Variants in COL11A2 observed in about 807,000 individuals in gnomAD.
The protein encoded by COL11A2 is collagen type XI alpha 2 chain, also known as collagen alpha-2(XI) chain.
Under a neutral mutation model 273.4 loss-of-function variants are expected in COL11A2, and 116 were observed. That is an observed-to-expected ratio of 0.42 (90% CI 0.36 to 0.49). The LOEUF is 0.49. Among genes scored for constraint, COL11A2 ranks in the 20% least tolerant of loss-of-function variants. The pLI, the probability that COL11A2 is intolerant of heterozygous loss-of-function variation, is 0.00. For synonymous variants in COL11A2, 782 were observed against 864.2 expected, an observed-to-expected ratio of 0.90 and a Z score of 1.67; for missense variants, 1,866 against 2,309.0, an observed-to-expected ratio of 0.81 and a Z score of 3.93.
rs768306633 is a variant in COL11A2, at chr6:33,168,504, G to GA, written c.3960+14_3960+15insT. ...GGGACTGCCTCCCAAGGTCTCAGGG[G>GA]TCCACCTCACTTACTCGCTTTCCAA... On this transcript the variant is annotated intron_variant, in intron 54 of 65. Coordinates refer to ENST00000341947, the MANE Select transcript of COL11A2 (RefSeq NM_080680.3). The GA allele has an allele frequency of 5.0e-6, 8 of 1,613,290 alleles. No homozygotes were observed. Among genetic ancestry groups the GA allele is most frequent in the Non-Finnish European group, 6.8e-6 (8 of 1,179,816 alleles).
intron 12 of COL11A2, 62 bp downstream of exon 12, chr6:33,180,196 T>A: frequency 6.7e-7 from 1 of 1,503,062 alleles, no homozygotes; most frequent in Non-Finnish European, 9.3e-7. Context: ...TGGTTCTTGG[T>A]AACATGACAC....
Position 33,163,672 on chromosome 6 carries a change from A to T in COL11A2, c.*6T>A. ...TCCGAATGGACAGGATCAGACAGAG[A>T]CGGTCCTATCCCATGAAGCAGACAG... On this transcript the variant is annotated 3_prime_UTR_variant, in exon 66 of 66. Transcript: ENST00000341947. The surrounding 1 kb of genome is among the most constrained non-coding windows in gnomAD (Gnocchi z 4.1). The T allele has an allele frequency of 6.2e-7, 1 of 1,612,918 alleles. No homozygotes were observed. Among genetic ancestry groups the T allele is most frequent in the Non-Finnish European group, 8.5e-7 (1 of 1,179,988 alleles).
intron 8 of COL11A2, 128 bp from the exon 9 acceptor site, chr6:33,181,298 C>T (rs535202795): frequency 1.1e-6 from 1 of 941,100 alleles, no homozygotes; most frequent in South Asian, 1.3e-5. Flanking sequence ...ACCCGAAAGC[C>T]CCACAGCCCT....
At position 33,189,000 on chromosome 6, in the gene COL11A2, C is replaced by T. The variant is rs1382765947; in HGVS notation, c.421G>A (p.Gly141Ser). ...TACTTGCCATCTGCTAGGCTGAGGC[C>T]TCGGAAGACTGGCTGAGAGGGAGGT... ...PQPPSQPVFR[G>S]LSLADGKWHR... The change falls in exon 3 of 66, where the codon GGC becomes AGC. Residue 141 changes from glycine (G) to serine (S), a missense_variant. Physicochemically the swap from Gly to Ser is moderately conservative, Grantham distance 56. Coordinates refer to ENST00000341947, the MANE Select transcript of COL11A2 (RefSeq NM_080680.3). The T allele has an allele frequency of 6.2e-7, 1 of 1,614,166 alleles. No homozygotes were observed. The highest frequency in any genetic ancestry group is 8.5e-7 in the Non-Finnish European group (1 of 1,180,028).
rs551948965 is a variant in COL11A2 at position 33,177,286 on chromosome 6, G to C, written c.1972-61C>G. On this transcript the variant is annotated intron_variant, in intron 23 of 65. Transcript: ENST00000341947. The surrounding 1 kb of genome is among the most constrained non-coding windows in gnomAD (Gnocchi z 5.9). ...CAGGGTCTCTTCTATCCAGCCTCCC[G>C]GATTCAAAGCATGAGCAACAAGGGC... The C allele has an allele frequency of 3.9e-5, 63 of 1,608,332 alleles. No individual in the cohort carries two copies. In the African/African-American group the frequency reaches 8.0e-4, roughly 20 times the overall value.
At chr6:33,171,871 T>C (rs773039254) in intron 41 of COL11A2, 51 bp from the exon 42 acceptor site, 49 of 1,596,418 alleles carry the variant, frequency 3.1e-5, no homozygotes, top group Non-Finnish European at 3.8e-5. Context: ...AGCCCGCCCA[T>C]ACCAGAGAAC....
At position 33,166,871 on chromosome 6, in the gene COL11A2, A is replaced by G; in HGVS notation, c.4231-44T>C. Reference sequence around the variant, plus strand: ...AGTCAAGAGAATGCAAAGAGGAGTCATGTGGATGGGGGAGAAGGGCCAAGA... The same window carrying G: ...AGTCAAGAGAATGCAAAGAGGAGTCGTGTGGATGGGGGAGAAGGGCCAAGA... On this transcript the variant is annotated intron_variant, in intron 58 of 65. Transcript: ENST00000341947. The surrounding 1 kb of genome is among the most constrained non-coding windows in gnomAD (Gnocchi z 4.8). The G allele has an allele frequency of 6.3e-7, 1 of 1,598,154 alleles. No individual in the cohort carries two copies. Among genetic ancestry groups the G allele is most frequent in the East Asian group, 2.2e-5 (1 of 44,510 alleles).
intron 1 of COL11A2, among the ~76,000 whole-genome samples, chr6:33,191,954 C>A (rs549214721): frequency 6.6e-6 from 1 of 152,332 alleles, no homozygotes; most frequent in African/African-American, 2.4e-5. Flanking sequence ...CCTATCTGCC[C>A]TCCCCCAGTC....
upstream of COL11A2, among the ~76,000 whole-genome samples, chr6:33,193,341 C>T (rs1382074224): frequency 6.6e-6 from 1 of 151,820 alleles, no homozygotes; most frequent in Non-Finnish European, 1.5e-5. Flanking sequence ...GGAGAGGGCA[C>T]GAGCGAACAA....
In COL11A2 at chr6:33,170,722, G is replaced by T; in HGVS notation, c.3474+88C>A. ...TCAGACTCCGCAGGCCCTCCAGTCT[G>T]CATCGGCAGGCTGCTGGCAGAGTCT... On this transcript the variant is annotated intron_variant, in intron 46 of 65. Transcript: ENST00000341947. This position sits in a 1 kb window ranked among gnomAD's most constrained non-coding sequence, Gnocchi z 4.3. The T allele has an allele frequency of 6.3e-7, 1 of 1,575,914 alleles. No individual in the cohort carries two copies. The highest frequency in any genetic ancestry group is 1.1e-5 in the South Asian group (1 of 90,230).
At chr6:33,172,949 C>G in intron 38 of COL11A2, 111 bp downstream of exon 38, 1 of 1,202,350 alleles carries the variant, frequency 8.3e-7, no homozygotes. Flanking sequence ...TGACCCCAGC[C>G]CCAGGAGTCT....
In COL11A2 at chr6:33,163,497, C is replaced by T. The variant is rs1232085415; in HGVS notation, c.*181G>A. On this transcript the variant is annotated 3_prime_UTR_variant, in exon 66 of 66. Coordinates refer to ENST00000341947, the MANE Select transcript of COL11A2 (RefSeq NM_080680.3). The surrounding 1 kb of genome is among the most constrained non-coding windows in gnomAD (Gnocchi z 4.1). ...CAAGAGCCCCAGATGCCACTCCTCC[C>T]GTGGGGTGTCCAGGCAACCACTTCA... 4 of 818,128 alleles carry T rather than the reference C, an allele frequency of 4.9e-6. No homozygotes were observed. Among genetic ancestry groups the T allele is most frequent in the East Asian group, 2.6e-5 (1 of 37,774 alleles). 50.7% of individuals were successfully genotyped at this position (818,128 alleles called of 1,614,324 possible). A position where few individuals can be genotyped will look rare whatever the true frequency, so the allele number is the denominator to read the frequency against.
chr6:33,163,572 G>T lies in COL11A2; in HGVS notation c.*106C>A. 6.3e-7 allele frequency: 1 copy of T among 1,574,966 alleles called. No homozygotes were observed. Among genetic ancestry groups the T allele is most frequent in the South Asian group, 1.1e-5 (1 of 90,276 alleles). ...GAGGGCTCTCCACGCCCTGGCCCAG[G>T]GCTCCCTAGATAGTGAGGAGCCCTC... On this transcript the variant is annotated 3_prime_UTR_variant, in exon 66 of 66. Coordinates refer to ENST00000341947, the MANE Select transcript of COL11A2 (RefSeq NM_080680.3). This position sits in a 1 kb window ranked among gnomAD's most constrained non-coding sequence, Gnocchi z 4.1.
intron 54 of COL11A2, 129 bp downstream of exon 54, chr6:33,168,390 G>A: frequency 8.8e-6 from 9 of 1,025,684 alleles, no homozygotes; most frequent in Non-Finnish European, 9.1e-6. Context: ...ACCAGCTCCT[G>A]CACACACACA....
In COL11A2 at chr6:33,173,797, C is replaced by T. The variant is rs1770494562; in HGVS notation, c.2584-52G>A. 2.5e-6 allele frequency: 4 copies of T among 1,608,896 alleles called. No individual in the cohort carries two copies. Among genetic ancestry groups the T allele is most frequent in the Non-Finnish European group, 3.4e-6 (4 of 1,175,938 alleles). The stretch of plus-strand genomic sequence containing the variant: ...TGGGAAGAGCTGCTTTCCAGCTGTC[C>T]CCGAGGTCAGGATGTTGAGGGAGAG... On this transcript the variant is annotated intron_variant, in intron 34 of 65. Transcript: ENST00000341947. The surrounding 1 kb of genome is among the most constrained non-coding windows in gnomAD (Gnocchi z 6.3).
chr6:33,168,615 G>T (rs1306774116), intron 53 of COL11A2, 43 bp from the exon 54 acceptor site: 1 of 1,610,252 alleles, frequency 6.2e-7, no homozygotes, highest in Non-Finnish European at 8.5e-7. Flanking sequence ...TTATCCTCCA[G>T]CCAAGGGACC....
At chr6:33,185,083 A>G in intron 6 of COL11A2, 29 bp from the exon 7 acceptor site, 19 of 1,513,546 alleles carry the variant, frequency 1.3e-5, no homozygotes, top group Non-Finnish European at 1.6e-5. Context: ...GGAGAAGAGT[A>G]GCACGGGGTG....
intron 30 of COL11A2, 90 bp from the exon 31 acceptor site, chr6:33,174,670 G>A (rs1405704470): frequency 1.6e-6 from 2 of 1,262,014 alleles, no homozygotes; most frequent in Non-Finnish European, 2.3e-6. Flanking sequence ...ATAACAGCCA[G>A]CCCCCACCCA....
rs1772871711 is a variant in COL11A2 at position 33,189,613 on chromosome 6, A to C, written c.83-144T>G. ...ACCTCACCCTCACTTGCTTCTGAAC[A>C]GTACCTGAATGGATGGGAAATGCAA... On this transcript the variant is annotated intron_variant, in intron 1 of 65. Transcript: ENST00000341947. The surrounding 1 kb of genome is among the most constrained non-coding windows in gnomAD (Gnocchi z 5.6). The C allele has an allele frequency of 9.1e-7, 1 of 1,103,064 alleles. No individual in the cohort carries two copies. The highest frequency in any genetic ancestry group is 1.6e-5 in the African/African-American group (1 of 63,976). The allele number at this position is 1,103,064 out of a possible 1,614,324, so 68.3% of individuals were successfully genotyped here.
Sources: allele counts gnomAD v4.1 joint callset (sites outside exome capture counted in the v4.1 genomes callset), GRCh38; gene constraint gnomAD v4.1.1; non-coding constraint Gnocchi (gnomAD v3.1); transcripts MANE v1.5; gene names NCBI Gene and HGNC (gene_info 2026-07-23, HGNC 2026-07-21).